The following GAN variants were observed in gnomAD, a reference collection of about 807,000 sequenced individuals.
GAN encodes gigaxonin.
In GAN, 48 loss-of-function variants were observed where a neutral mutation model predicts 71.3. The observed-to-expected ratio is 0.67, with a 90% CI of 0.53 to 0.86. The LOEUF is 0.86. Ranked by LOEUF, GAN falls within the 40% of genes least tolerant of loss-of-function variation. The pLI is 0.00. For missense variants in GAN, 928 were observed against 770.1 expected (o/e 1.21, Z -2.43); for synonymous variants, 386 against 276.8 (o/e 1.39, Z -3.92).
chr16:81,369,944 C>G (rs974568272), intron 9 of GAN, among the ~76,000 whole-genome samples: 1 of 152,204 alleles, frequency 6.6e-6, no homozygotes, highest in African/African-American at 2.4e-5. Flanking sequence ...ATCCCAAATT[C>G]TTTCCCAGAC....
At position 81,380,954 on chromosome 16, in the gene GAN, T is replaced by C. The variant is rs1165657947; in HGVS notation, c.*3358T>C. 6.6e-6 allele frequency: 1 copy of C among 152,154 alleles called. No individual in the cohort carries two copies. Among genetic ancestry groups the C allele is most frequent in the Non-Finnish European group, 1.5e-5 (1 of 68,008 alleles). 9.4% of individuals were successfully genotyped at this position (152,154 alleles called of 1,614,324 possible). On this transcript the variant is annotated 3_prime_UTR_variant, in exon 11 of 11. Coordinates refer to ENST00000648994, the MANE Select transcript of GAN (RefSeq NM_022041.4). ...ACTGTATAACAACCAAAAAGGAGCA[T>C]TTGGGGGTATGTTGGATGGTGTTTT...
intron 2 of GAN, among the ~76,000 whole-genome samples, chr16:81,352,682 C>G (rs1359776670): frequency 6.6e-6 from 1 of 152,202 alleles, no homozygotes; most frequent in Non-Finnish European, 1.5e-5. Flanking sequence ...CAGTGATTCT[C>G]ATCCTTTTTG....
Position 81,385,859 on chromosome 16 carries a change from C to T in GAN, c.*8263C>T, listed in dbSNP as rs919009522. 6.6e-6 allele frequency: 1 copy of T among 150,416 alleles called. No homozygotes were observed. The highest frequency in any genetic ancestry group is 6.7e-5 in the Admixed American group (1 of 15,034). The allele number at this position is 150,416 out of a possible 1,614,324, so 9.3% of individuals were successfully genotyped here. Reference sequence around the variant, plus strand: ...CCATCTCCCAGGCTCAAGGGATCCTCCTGCCTCGGCCTGCCAAGTAGCTGG... The same window carrying T: ...CCATCTCCCAGGCTCAAGGGATCCTTCTGCCTCGGCCTGCCAAGTAGCTGG... On this transcript the variant is annotated 3_prime_UTR_variant, in exon 11 of 11. Coordinates refer to ENST00000648994, the MANE Select transcript of GAN (RefSeq NM_022041.4).
intron 1 of GAN, among the ~76,000 whole-genome samples, chr16:81,339,882 T>G (rs1299502336): frequency 6.6e-6 from 1 of 152,172 alleles, no homozygotes; most frequent in African/African-American, 2.4e-5. Flanking sequence ...TGTAAGGATG[T>G]GAATTTAAAC....
At chr16:81,369,663 C>T (rs1386682781) in intron 9 of GAN, among the ~76,000 whole-genome samples, 1 of 152,194 alleles carries the variant, frequency 6.6e-6, no homozygotes, top group Non-Finnish European at 1.5e-5. Flanking sequence ...GTGATCTCGG[C>T]TCACTGCAAG....
intron 1 of GAN, among the ~76,000 whole-genome samples, chr16:81,330,286 C>G (rs1909532737): frequency 6.6e-6 from 1 of 152,220 alleles, no homozygotes; most frequent in South Asian, 2.1e-4. Flanking sequence ...TCTCCAGAGA[C>G]AAGGCTGATT....
Position 81,363,802 on chromosome 16 carries a change from T to C in GAN, c.1095T>C (p.His365=). 1 of 1,613,810 alleles carries C rather than the reference T, an allele frequency of 6.2e-7. No homozygotes were observed. Among genetic ancestry groups the C allele is most frequent in the South Asian group, 1.1e-5 (1 of 91,072 alleles). The part of the protein sequence containing the change: ...TALPPMNEAR[H]NFGIVEIDGM... ...CGCTAATGTAATTTCAGGCAAGACA[T>C]AACTTCGGAATTGTGGAGATAGATG... Residue 365 remains histidine, a synonymous_variant, in exon 7 of 11, where the codon CAT becomes CAC. Transcript: ENST00000648994.
chr16:81,346,901 A>G (rs1216372476), intron 1 of GAN, among the ~76,000 whole-genome samples: 2 of 152,190 alleles, frequency 1.3e-5, no homozygotes, highest in African/African-American at 4.8e-5. Context: ...GAAGCTTAAC[A>G]TCGTGCTATT....
chr16:81,357,757 A>G lies in GAN; in HGVS notation c.852-53A>G. 11 of 1,549,890 alleles carry G rather than the reference A, an allele frequency of 7.1e-6. No individual in the cohort carries two copies. The Admixed American group carries it at 1.2e-4, about 16-fold the overall frequency. Reference sequence around the variant, plus strand: ...ACTAAAACTAGTGATGGCTACTTATAAAAAGAACTGTATGAAGCACATTAA... The same window carrying G: ...ACTAAAACTAGTGATGGCTACTTATGAAAAGAACTGTATGAAGCACATTAA... On this transcript the variant is annotated intron_variant, in intron 4 of 10. Transcript: ENST00000648994.
intron 1 of GAN, among the ~76,000 whole-genome samples, chr16:81,318,971 T>C (rs189960212): frequency 6.6e-6 from 1 of 152,276 alleles, no homozygotes; most frequent in East Asian, 1.9e-4. Context: ...TTCCTCCTTT[T>C]GGTTCCTGGG....
At chr16:81,322,756 C>G (rs1217304438) in intron 1 of GAN, among the ~76,000 whole-genome samples, 3 of 152,126 alleles carry the variant, frequency 2.0e-5, no homozygotes, top group Non-Finnish European at 4.4e-5. Flanking sequence ...GCCTACACCT[C>G]TGAATAATAG....
At chr16:81,318,898 G>A (rs571771443) in intron 1 of GAN, among the ~76,000 whole-genome samples, 2 of 152,302 alleles carry the variant, frequency 1.3e-5, no homozygotes, top group African/African-American at 4.8e-5. Context: ...GACCTCCTGC[G>A]GTCCCTCAGC....
At chr16:81,372,584 T>C (rs1911071103) in intron 9 of GAN, among the ~76,000 whole-genome samples, 1 of 152,236 alleles carries the variant, frequency 6.6e-6, no homozygotes, top group African/African-American at 2.4e-5. Context: ...ATAGATCACC[T>C]ACGCGTATTT....
At chr16:81,352,186 G>A (rs1339603670) in intron 2 of GAN, among the ~76,000 whole-genome samples, 2 of 152,150 alleles carry the variant, frequency 1.3e-5, no homozygotes, top group Non-Finnish European at 2.9e-5. Flanking sequence ...GACATGACAA[G>A]CACCTTATTC....
chr16:81,372,374 T>G (rs990667393), intron 9 of GAN, among the ~76,000 whole-genome samples: 6 of 152,224 alleles, frequency 3.9e-5, no homozygotes, highest in African/African-American at 1.4e-4. Flanking sequence ...TTGAGGTTGT[T>G]GATGGTATCT....
chr16:81,321,641 A>T (rs1480402176), intron 1 of GAN, among the ~76,000 whole-genome samples: 1 of 152,248 alleles, frequency 6.6e-6, no homozygotes, highest in Non-Finnish European at 1.5e-5. Context: ...ATTTGTAAGG[A>T]AAACATAATT....
At chr16:81,354,874 A>C (rs1319069123) in intron 3 of GAN, 119 bp downstream of exon 3, 3 of 669,890 alleles carry the variant, frequency 4.5e-6, no homozygotes, top group Admixed American at 2.5e-5. Flanking sequence ...TCTAAAAGAT[A>C]CCTGTAAAAC....
At position 81,383,686 on chromosome 16, in the gene GAN, C is replaced by T. The variant is rs761793467; in HGVS notation, c.*6090C>T. The T allele has an allele frequency of 1.3e-5, 2 of 151,786 alleles. No homozygotes were observed. Among genetic ancestry groups the T allele is most frequent in the Non-Finnish European group, 2.9e-5 (2 of 67,988 alleles). The allele number at this position is 151,786 out of a possible 1,614,324, so 9.4% of individuals were successfully genotyped here. On this transcript the variant is annotated 3_prime_UTR_variant, in exon 11 of 11. Transcript: ENST00000648994. ...AAGTTGTTGAGCTTCCTTCTGTGCA[C>T]ACATTGAAAGAAAACCAGAAATTGT...
chr16:81,328,576 T>TAA (rs1909465684), intron 1 of GAN, among the ~76,000 whole-genome samples: 1 of 152,202 alleles, frequency 6.6e-6, no homozygotes, highest in African/African-American at 2.4e-5. Context: ...AGATTTGTTA[T>TAA]TTGTTGTGTG....
Sources: gnomAD v4.1 joint callset for allele counts (sites outside exome capture counted in the v4.1 genomes callset) on GRCh38, gnomAD v4.1.1 for gene constraint, MANE v1.5 for transcripts, NCBI Gene and HGNC (gene_info 2026-07-23, HGNC 2026-07-21) for gene names.